TNFAIP8L3: variants seen among roughly 807,000 people sequenced by gnomAD.
TNFAIP8L3 encodes TNF alpha induced protein 8 like 3, also known as tumor necrosis factor alpha-induced protein 8-like protein 3.
Under a neutral mutation model 11.8 loss-of-function variants are expected in TNFAIP8L3, and 7 were observed. The observed-to-expected ratio is 0.59, with a 90% CI of 0.34 to 1.11. TNFAIP8L3 has a LOEUF of 1.11. Among genes scored for constraint, TNFAIP8L3 ranks in the 50% most tolerant of loss-of-function variants. TNFAIP8L3 has a pLI of 0.03. For missense variants in TNFAIP8L3, 219 were observed against 258.6 expected, an observed-to-expected ratio of 0.85 and a Z score of 1.05; for synonymous variants, 98 against 103.8, an observed-to-expected ratio of 0.94 and a Z score of 0.34.
At chr15:51,097,078 C>T (rs895422907), upstream of TNFAIP8L3, among the ~76,000 whole-genome samples, 3 of 152,110 alleles carry the variant, frequency 2.0e-5, no homozygotes, top group Non-Finnish European at 2.9e-5. Flanking sequence ...AGGCATTCAG[C>T]TTCCTCTAAA....
At chr15:51,089,569 C>T (rs1164588308) in intron 1 of TNFAIP8L3, among the ~76,000 whole-genome samples, 1 of 152,178 alleles carries the variant, frequency 6.6e-6, no homozygotes, top group African/African-American at 2.4e-5. Flanking sequence ...CTTTGCATTT[C>T]CCATAATTCC....
intron 1 of TNFAIP8L3, among the ~76,000 whole-genome samples, chr15:51,062,614 G>T (rs2065248265): frequency 6.6e-6 from 1 of 152,198 alleles, no homozygotes; most frequent in African/African-American, 2.4e-5. Context: ...CTACTTTTCT[G>T]CAAGAGCAGC....
chr15:51,082,347 T>C (rs1337024788), intron 1 of TNFAIP8L3, among the ~76,000 whole-genome samples: 2 of 152,170 alleles, frequency 1.3e-5, no homozygotes, highest in Non-Finnish European at 2.9e-5. Context: ...TAAGGTACAG[T>C]AAAAATGCAG....
intron 1 of TNFAIP8L3, among the ~76,000 whole-genome samples, chr15:51,078,341 T>C (rs2065369398): frequency 6.6e-6 from 1 of 151,970 alleles, no homozygotes; most frequent in South Asian, 2.1e-4. Flanking sequence ...GCAGATATGC[T>C]AACTACTTGT....
At chr15:51,088,840 T>A (rs1595617861) in intron 1 of TNFAIP8L3, among the ~76,000 whole-genome samples, 2 of 152,198 alleles carry the variant, frequency 1.3e-5, no homozygotes, top group East Asian at 3.8e-4. Context: ...CCTCCACAAG[T>A]GGCTGGTAGT....
At chr15:51,065,291 A>G (rs1341783402) in intron 1 of TNFAIP8L3, among the ~76,000 whole-genome samples, 1 of 152,226 alleles carries the variant, frequency 6.6e-6, no homozygotes, top group Non-Finnish European at 1.5e-5. Context: ...AATGGCAGTG[A>G]GCTAGTTTGG....
intron 1 of TNFAIP8L3, among the ~76,000 whole-genome samples, chr15:51,082,879 G>A (rs911694006): frequency 9.2e-5 from 14 of 152,208 alleles, no homozygotes; most frequent in East Asian, 5.8e-4. Context: ...CTACTATCAC[G>A]TCCAAAATAT....
intron 1 of TNFAIP8L3, among the ~76,000 whole-genome samples, chr15:51,078,980 C>G (rs1005442591): frequency 7.9e-5 from 12 of 152,198 alleles, no homozygotes; most frequent in Non-Finnish European, 1.8e-4. Flanking sequence ...CCACACCAGG[C>G]TGACAGCAGG....
At chr15:51,083,845 G>C (rs1341099679) in intron 1 of TNFAIP8L3, among the ~76,000 whole-genome samples, 1 of 152,210 alleles carries the variant, frequency 6.6e-6, no homozygotes, top group Non-Finnish European at 1.5e-5. Flanking sequence ...AGTGAGGGGG[G>C]CCACAGAGGA....
chr15:51,077,633 G>A (rs1180077938), intron 1 of TNFAIP8L3, among the ~76,000 whole-genome samples: 1 of 152,210 alleles, frequency 6.6e-6, no homozygotes, highest in African/African-American at 2.4e-5. Context: ...GCCTAAAACA[G>A]TCTGAAAGCT....
At chr15:51,071,691 C>T (rs2065309942) in intron 1 of TNFAIP8L3, among the ~76,000 whole-genome samples, 1 of 152,238 alleles carries the variant, frequency 6.6e-6, no homozygotes, top group Admixed American at 6.5e-5. Context: ...ACACAACAGT[C>T]TCCTGGGGTC....
chr15:51,057,878 C>A lies in TNFAIP8L3; in HGVS notation c.*3G>T. ...CAGCAAAGTCCAGTAGGAGGGAAGG[C>A]ATTTAAAGGACTTTCTCATCTAGCA... On this transcript the variant is annotated 3_prime_UTR_variant, in exon 2 of 2. Coordinates refer to ENST00000637513, the MANE Select transcript of TNFAIP8L3 (RefSeq NM_001311175.2). The A allele has an allele frequency of 6.4e-7, 1 of 1,563,908 alleles. No homozygotes were observed. Among genetic ancestry groups the A allele is most frequent in the East Asian group, 2.3e-5 (1 of 44,440 alleles).
intron 1 of TNFAIP8L3, among the ~76,000 whole-genome samples, chr15:51,066,078 A>C (rs1595607010): frequency 6.6e-6 from 1 of 151,926 alleles, no homozygotes; most frequent in East Asian, 1.9e-4. Flanking sequence ...AGGGGGAAAA[A>C]AAAAAACAAA....
At position 51,094,501 on chromosome 15, in the gene TNFAIP8L3, C is replaced by T. The variant is rs935983271; in HGVS notation, c.52+43G>A. 2.8e-6 allele frequency: 4 copies of T among 1,447,550 alleles called. No individual in the cohort carries two copies. Among genetic ancestry groups the T allele is most frequent in the East Asian group, 3.0e-5 (1 of 33,362 alleles). The allele number at this position is 1,447,550 out of a possible 1,614,324, so 89.7% of individuals were successfully genotyped here. On this transcript the variant is annotated intron_variant, in intron 1 of 1. Coordinates refer to ENST00000637513, the MANE Select transcript of TNFAIP8L3 (RefSeq NM_001311175.2). The surrounding 1 kb of genome is among the most constrained non-coding windows in gnomAD (Gnocchi z 4.4). ...TCATGCCCCAGCCTCCCGTCCTCCC[C>T]AGCCCCAGCCCACCCGCCTGGGCCG...
upstream of TNFAIP8L3, among the ~76,000 whole-genome samples, chr15:51,099,130 G>A (rs181949077): frequency 4.7e-3 from 709 of 152,330 alleles, 4 homozygotes; most frequent in Middle Eastern, 0.017. Flanking sequence ...TCTCCACTAG[G>A]CAGCAGGTGG....
At chr15:51,098,716 G>A (rs766713612), upstream of TNFAIP8L3, among the ~76,000 whole-genome samples, 6 of 152,130 alleles carry the variant, frequency 3.9e-5, no homozygotes, top group South Asian at 2.1e-4. Flanking sequence ...TTGCAGTCAC[G>A]GTTAACATAT....
chr15:51,065,226 C>A (rs767881107), intron 1 of TNFAIP8L3, among the ~76,000 whole-genome samples: 3 of 152,044 alleles, frequency 2.0e-5, no homozygotes, highest in African/African-American at 4.8e-5. Flanking sequence ...AAGGACCCTT[C>A]GATCATTTAC....
At chr15:51,059,615 A>G (rs2065230121) in intron 1 of TNFAIP8L3, among the ~76,000 whole-genome samples, 1 of 152,258 alleles carries the variant, frequency 6.6e-6, no homozygotes, top group South Asian at 2.1e-4. Flanking sequence ...TGTCTCCCAC[A>G]GCACCTAGCT....
intron 1 of TNFAIP8L3, among the ~76,000 whole-genome samples, chr15:51,100,770 AAAAC>A (rs1045080845): frequency 1.2e-4 from 18 of 152,034 alleles, no homozygotes; most frequent in South Asian, 2.1e-4. Context: ...AGAAGGAAAA[AAAAC>A]AAACAAACAA....
Sources: gnomAD v4.1 joint callset for allele counts (sites outside exome capture counted in the v4.1 genomes callset) on GRCh38, gnomAD v4.1.1 for gene constraint, Gnocchi (gnomAD v3.1) non-coding constraint, MANE v1.5 for transcripts, NCBI Gene and HGNC (gene_info 2026-07-23, HGNC 2026-07-21) for gene names.